Variants in ZNF316 observed in about 807,000 individuals in gnomAD.
ZNF316 encodes zinc finger protein 316.
A neutral mutation model predicts 75.6 loss-of-function variants in ZNF316; 23 were observed. The observed-to-expected ratio is 0.30, with a 90% CI of 0.22 to 0.43. ZNF316 has a LOEUF of 0.43. ZNF316 is among the 20% of genes least tolerant of loss of function. The pLI, the probability that ZNF316 is intolerant of heterozygous loss-of-function variation, is 1.00. For missense variants in ZNF316, 1,266 were observed against 1,409.4 expected (o/e 0.90, Z 1.63); for synonymous variants, 827 against 666.2 (o/e 1.24, Z -3.72).
In ZNF316 at chr7:6,652,322, CGACATAGAG is replaced by C; in HGVS notation, c.730_738del (p.Ile244_Asp246del). On this transcript the variant is annotated inframe_deletion, in exon 9 of 9. Transcript: ENST00000382252. ...CTTCAGGAGCCTGGTTCTGGACGGACGACATAGAGGACCACGAGGAGGAAGACGACGAGG... is the reference window on the plus strand; with the variant it reads ...CTTCAGGAGCCTGGTTCTGGACGGACGACCACGAGGAGGAAGACGACGAGG... The C allele has an allele frequency of 2.4e-6, 3 of 1,232,348 alleles. No homozygotes were observed. The highest frequency in any genetic ancestry group is 4.1e-5 in the South Asian group (1 of 24,322). The allele number at this position is 1,232,348 out of a possible 1,614,324, so 76.3% of individuals were successfully genotyped here.
rs146759255 is a variant in ZNF316 at position 6,638,293 on chromosome 7, C to T, written c.-267+284C>T. 2.9e-3 allele frequency among the ~76,000 whole-genome samples: 440 copies of T among 152,032 alleles called. 2 individuals carry two copies. The highest frequency in any genetic ancestry group is 0.01 in the African/African-American group (415 of 41,462). On this transcript the variant is annotated intron_variant, in intron 2 of 8. Transcript: ENST00000382252. ...AAATAACCTGCACCAGGAGCAAACC[C>T]AGGAAAGTAGGGGGATCCAGAATCC... is the stretch of plus-strand genomic sequence containing the variant.
In ZNF316 at chr7:6,644,548, A is replaced by T; in HGVS notation, c.661A>T (p.Ser221Cys). The change falls in exon 8 of 9, where the codon AGT becomes TGT. Residue 221 changes from serine to cysteine, a missense_variant. By Grantham distance (112) the Ser-to-Cys change is moderately radical. Coordinates refer to ENST00000382252, the MANE Select transcript of ZNF316 (RefSeq NM_001278559.2). ...EQGEEPWVPD[S>C]PRPEEGDIVT... ...AGGGGAAGAACCTTGGGTCCCAGAT[A>T]GTCCCCGACCTGAGGAAGGAGACAT... is the stretch of plus-strand genomic sequence containing the variant. The T allele has an allele frequency of 1.6e-6, 2 of 1,232,394 alleles. No individual in the cohort carries two copies. The highest frequency in any genetic ancestry group is 2.0e-6 in the Non-Finnish European group (2 of 988,056). 76.3% of individuals were successfully genotyped at this position (1,232,394 alleles called of 1,614,324 possible).
chr7:6,642,009 C>G lies in ZNF316; in HGVS notation c.-29+47C>G, dbSNP rs1380595248. The stretch of plus-strand genomic sequence containing the variant: ...GTATCAGGTGGGCTTTTCCTTCTGG[C>G]TAAACATGGGCCACCCTCGGGCTGT... On this transcript the variant is annotated intron_variant, in intron 4 of 8. Coordinates refer to ENST00000382252, the MANE Select transcript of ZNF316 (RefSeq NM_001278559.2). The surrounding 1 kb of genome is among the most constrained non-coding windows in gnomAD (Gnocchi z 8.1). 6.0e-6 allele frequency: 1 copy of G among 165,894 alleles called. No homozygotes were observed. The highest frequency in any genetic ancestry group is 2.4e-5 in the African/African-American group (1 of 42,042). The allele number at this position is 165,894 out of a possible 1,614,324, so 10.3% of individuals were successfully genotyped here.
chr7:6,647,254 C>T (rs1212169621), intron 8 of ZNF316, among the ~76,000 whole-genome samples: 1 of 152,156 alleles, frequency 6.6e-6, no homozygotes, highest in Admixed American at 6.5e-5. Context: ...CAGAGAGGCC[C>T]CTCCTTACAG....
In ZNF316 at chr7:6,653,567, GGCCGCGGGCGGCGGA is replaced by G; in HGVS notation, c.1973_1987del (p.Ala658_Gly662del). The stretch of plus-strand genomic sequence containing the variant: ...CGTGCGACCCTTTCGGCGGCGGCGG[GGCCGCGGGCGGCGGA>G]GGCGGCCTGCGCGCGTTCGGGCCCG... On this transcript the variant is annotated inframe_deletion, in exon 9 of 9. Transcript: ENST00000382252. 2.7e-6 allele frequency: 3 copies of G among 1,115,904 alleles called. No homozygotes were observed. Among genetic ancestry groups the G allele is most frequent in the Non-Finnish European group, 2.2e-6 (2 of 913,366 alleles). 69.1% of individuals were successfully genotyped at this position (1,115,904 alleles called of 1,614,324 possible). A position where few individuals can be genotyped will look rare whatever the true frequency, so the allele number is the denominator to read the frequency against.
At position 6,642,793 on chromosome 7, in the gene ZNF316, A is replaced by G. The variant is rs561189224; in HGVS notation, c.355+29A>G. On this transcript the variant is annotated intron_variant, in intron 5 of 8. Transcript: ENST00000382252. This position sits in a 1 kb window ranked among gnomAD's most constrained non-coding sequence, Gnocchi z 8.1. ...AGAAAAGCAGCCAGCCTTGGGGAGG[A>G]GATGAAGGGGGCTGAGGTGGGCCAG... 4 of 1,232,968 alleles carry G rather than the reference A, an allele frequency of 3.2e-6. No homozygotes were observed. The South Asian group carries it at 1.6e-4, about 51-fold the overall frequency. 76.4% of individuals were successfully genotyped at this position (1,232,968 alleles called of 1,614,324 possible).
At chr7:6,651,064 G>A (rs1779499203) in intron 8 of ZNF316, among the ~76,000 whole-genome samples, 1 of 152,138 alleles carries the variant, frequency 6.6e-6, no homozygotes, top group South Asian at 2.1e-4. Context: ...GCTTAGAGCT[G>A]ACAGGCCGGG....
At position 6,653,067 on chromosome 7, in the gene ZNF316, G is replaced by A. The variant is rs1779540862; in HGVS notation, c.1471G>A (p.Gly491Ser). Reference protein sequence around the residue: ...ADRPHCCPDCGQAFRLRADFQ... With the variant: ...ADRPHCCPDCSQAFRLRADFQ... ...CCGCCCGCACTGCTGTCCCGACTGC[G>A]GCCAGGCCTTCCGCCTGCGCGCCGA... Residue 491 changes from glycine (G) to serine (S), a missense_variant, in exon 9 of 9, where the codon GGC becomes AGC. By Grantham distance (56) the Gly-to-Ser change is moderately conservative. Transcript: ENST00000382252. The A allele has an allele frequency of 8.3e-7, 1 of 1,210,630 alleles. No individual in the cohort carries two copies. The allele number at this position is 1,210,630 out of a possible 1,614,324, so 75.0% of individuals were successfully genotyped here.
At position 6,657,036 on chromosome 7, in the gene ZNF316, C is replaced by T. The variant is rs1276469502; in HGVS notation, c.*2425C>T. Reference sequence around the variant, plus strand: ...AGCAATCTAATGCTTCTTTTCTTGCCCAGGCTGGAGTGCAGGGCGTGATCT... The same window carrying T: ...AGCAATCTAATGCTTCTTTTCTTGCTCAGGCTGGAGTGCAGGGCGTGATCT... On this transcript the variant is annotated 3_prime_UTR_variant, in exon 9 of 9. Transcript: ENST00000382252. Among the ~76,000 whole-genome samples, 1 of 152,058 alleles carries T rather than the reference C, an allele frequency of 6.6e-6. No homozygotes were observed. Among genetic ancestry groups the T allele is most frequent in the Non-Finnish European group, 1.5e-5 (1 of 68,020 alleles).
At chr7:6,641,430 A>G (rs539298606) in intron 3 of ZNF316, among the ~76,000 whole-genome samples, 20 of 152,220 alleles carry the variant, frequency 1.3e-4, no homozygotes, top group African/African-American at 4.3e-4. Context: ...CAACGCTATG[A>G]CTCTGCCGTG....
rs1779336011 is a variant in ZNF316, at chr7:6,642,918, G to A, written c.356-46G>A. 1 of 1,232,380 alleles carries A rather than the reference G, an allele frequency of 8.1e-7. No homozygotes were observed. The highest frequency in any genetic ancestry group is 3.2e-5 in the East Asian group (1 of 31,684). 76.3% of individuals were successfully genotyped at this position (1,232,380 alleles called of 1,614,324 possible). A position where few individuals can be genotyped will look rare whatever the true frequency, so the allele number is the denominator to read the frequency against. ...TGTTGCCAGGGCTCCTGGCCCTGCA[G>A]GCTGGGGGCTCAGGGCAGCTGGCCC... On this transcript the variant is annotated intron_variant, in intron 5 of 8. Transcript: ENST00000382252. The surrounding 1 kb of genome is among the most constrained non-coding windows in gnomAD (Gnocchi z 8.1).
At chr7:6,647,467 C>A (rs554763938) in intron 8 of ZNF316, among the ~76,000 whole-genome samples, 4 of 152,238 alleles carry the variant, frequency 2.6e-5, no homozygotes, top group African/African-American at 9.6e-5. Flanking sequence ...GACTGTCCCC[C>A]GTGAGAGAAG....
chr7:6,655,832 A>C lies in ZNF316; in HGVS notation c.*1221A>C, dbSNP rs944350263. 6 of 152,180 alleles carry C rather than the reference A, an allele frequency of 3.9e-5. No individual in the cohort carries two copies. The highest frequency in any genetic ancestry group is 1.4e-4 in the African/African-American group (6 of 41,420). The allele number at this position is 152,180 out of a possible 1,614,324, so 9.4% of individuals were successfully genotyped here. On this transcript the variant is annotated 3_prime_UTR_variant, in exon 9 of 9. Transcript: ENST00000382252. ...TGGCTCAGTGACAAACCAGGCACCC[A>C]ACTATGCAAGGCCCCTGCCTGGTGG...
At position 6,653,135 on chromosome 7, in the gene ZNF316, T is replaced by G. The variant is rs1698603417; in HGVS notation, c.1539T>G (p.Gly513=). Residue 513 remains glycine, a synonymous_variant, in exon 9 of 9, where the codon GGT becomes GGG. Coordinates refer to ENST00000382252, the MANE Select transcript of ZNF316 (RefSeq NM_001278559.2). ...HRRGGGCAEA[G]GDGPRREPGE... is the part of the protein sequence containing the mutation. ...GCGGCGGGGGCTGCGCGGAGGCGGGTGGTGACGGCCCCCGGCGGGAGCCCG... is the reference window on the plus strand; with the variant it reads ...GCGGCGGGGGCTGCGCGGAGGCGGGGGGTGACGGCCCCCGGCGGGAGCCCG... The G allele has an allele frequency of 2.6e-6, 3 of 1,170,462 alleles. No individual in the cohort carries two copies. Among genetic ancestry groups the G allele is most frequent in the Non-Finnish European group, 3.2e-6 (3 of 949,508 alleles). 72.5% of individuals were successfully genotyped at this position (1,170,462 alleles called of 1,614,324 possible). A position where few individuals can be genotyped will look rare whatever the true frequency, so the allele number is the denominator to read the frequency against.
At chr7:6,645,338 C>A (rs555492009) in intron 8 of ZNF316, among the ~76,000 whole-genome samples, 1 of 152,084 alleles carries the variant, frequency 6.6e-6, no homozygotes, top group Non-Finnish European at 1.5e-5. Context: ...TAGGTGATGC[C>A]GGTTAGGAGG....
Position 6,653,665 on chromosome 7 carries a change from C to T in ZNF316, c.2069C>T (p.Pro690Leu). The T allele has an allele frequency of 2.8e-6, 3 of 1,075,954 alleles. No individual in the cohort carries two copies. The highest frequency in any genetic ancestry group is 3.4e-6 in the Non-Finnish European group (3 of 886,652). 66.7% of individuals were successfully genotyped at this position (1,075,954 alleles called of 1,614,324 possible). A position where few individuals can be genotyped will look rare whatever the true frequency, so the allele number is the denominator to read the frequency against. The stretch of plus-strand genomic sequence containing the variant: ...GCCGCGCTGGCGGAGGAGGAGAGCC[C>T]GTGGATCTGCTCGGACTGCGGCAAG... ...APAALAEEES[P>L]WICSDCGKTF... Residue 690 changes from proline (P) to leucine (L), a missense_variant, in exon 9 of 9, where the codon CCG becomes CTG. Pro to Leu is a moderately conservative substitution (Grantham distance 98, BLOSUM62 -3). Around this residue, in one of 3 missense-constraint regions of ZNF316, gnomAD observed 961 missense variants for 990.9 expected, o/e 0.97. Coordinates refer to ENST00000382252, the MANE Select transcript of ZNF316 (RefSeq NM_001278559.2).
chr7:6,645,095 GC>G (rs752122802), intron 8 of ZNF316, among the ~76,000 whole-genome samples: 10 of 152,274 alleles, frequency 6.6e-5, no homozygotes, highest in Non-Finnish European at 1.2e-4. Flanking sequence ...AGTGATGGGT[GC>G]AGAAGGCGTT....
In ZNF316 at chr7:6,654,341, C is replaced by T. The variant is rs916022528; in HGVS notation, c.2745C>T (p.Tyr915=). 4.3e-4 allele frequency: 520 copies of T among 1,221,970 alleles called. 1 individual carries two copies. Among genetic ancestry groups the T allele is most frequent in the Non-Finnish European group, 4.9e-4 (484 of 981,456 alleles). The allele number at this position is 1,221,970 out of a possible 1,614,324, so 75.7% of individuals were successfully genotyped here. A position where few individuals can be genotyped will look rare whatever the true frequency, so the allele number is the denominator to read the frequency against. Residue 915 remains tyrosine, a synonymous_variant, in exon 9 of 9, where the codon TAC becomes TAT. Transcript: ENST00000382252. ...GCACACATACGGGCGAGCGGCCCTA[C>T]GCCTGCGCCAACTGCGGCCGCCGCT... ...HQRTHTGERP[Y]ACANCGRRFS...
At position 6,655,279 on chromosome 7, in the gene ZNF316, T is replaced by TA. The variant is rs1779600546; in HGVS notation, c.*669dup. 6.7e-6 allele frequency: 1 copy of TA among 149,030 alleles called. No homozygotes were observed. Among genetic ancestry groups the TA allele is most frequent in the Non-Finnish European group, 1.5e-5 (1 of 67,320 alleles). The allele number at this position is 149,030 out of a possible 1,614,324, so 9.2% of individuals were successfully genotyped here. ...AGGAGAAAAAGCCAGATACCAAACT[T>TA]ACGGCCAGGCAGACGGGTCGCGGGT... On this transcript the variant is annotated 3_prime_UTR_variant, in exon 9 of 9. Transcript: ENST00000382252.
Sources: allele counts gnomAD v4.1 joint callset (sites outside exome capture counted in the v4.1 genomes callset), GRCh38; gene constraint gnomAD v4.1.1; regional missense constraint gnomAD v4.1.1; non-coding constraint Gnocchi (gnomAD v3.1); transcripts MANE v1.5; gene names NCBI Gene and HGNC (gene_info 2026-07-23, HGNC 2026-07-21).